The following NINL variants were observed in gnomAD, a reference collection of about 807,000 sequenced individuals.
NINL encodes ninein like.
A neutral mutation model predicts 160.3 loss-of-function variants in NINL; 153 were observed. That is an observed-to-expected ratio of 0.95 (90% CI 0.84 to 1.09). The LOEUF (loss-of-function observed/expected upper bound fraction) is 1.09, where lower values mean the gene tolerates loss of function less well. Among genes scored for constraint, NINL ranks in the 50% least tolerant of loss-of-function variants. The pLI is 0.00. For missense variants in NINL, 1,829 were observed against 1,764.0 expected, an observed-to-expected ratio of 1.04 and a Z score of -0.66; for synonymous variants, 800 against 734.8, an observed-to-expected ratio of 1.09 and a Z score of -1.43.
chr20:25,489,135 A>G, intron 13 of NINL, 109 bp downstream of exon 13: 1 of 1,084,664 alleles, frequency 9.2e-7, no homozygotes. Flanking sequence ...CATGGCCGCA[A>G]GCAGAGGCTC....
At chr20:25,553,103 G>GTTTTT (rs760131174) in intron 1 of NINL, among the ~76,000 whole-genome samples, 22,374 of 52,342 alleles carry the variant, frequency 0.43, 2,753 homozygotes, top group East Asian at 0.61. Flanking sequence ...ACCCTTGTTG[G>GTTTTT]GTTTTTTTTT....
rs1470878885 is a variant in NINL at position 25,453,105 on chromosome 20, G to A, written c.*346C>T. 1 of 186,458 alleles carries A rather than the reference G, an allele frequency of 5.4e-6. No individual in the cohort carries two copies. Among genetic ancestry groups the A allele is most frequent in the Non-Finnish European group, 1.1e-5 (1 of 91,182 alleles). 11.6% of individuals were successfully genotyped at this position (186,458 alleles called of 1,614,324 possible). A position where few individuals can be genotyped will look rare whatever the true frequency, so the allele number is the denominator to read the frequency against. On this transcript the variant is annotated 3_prime_UTR_variant, in exon 24 of 24. Coordinates refer to ENST00000278886, the MANE Select transcript of NINL (RefSeq NM_025176.6). ...ACATTTCACTCTGACAGCCAGGGTC[G>A]GAAGCACCACATGGAAAGTGCTGTC...
At chr20:25,564,267 G>A (rs775700037) in intron 1 of NINL, among the ~76,000 whole-genome samples, 7 of 150,648 alleles carry the variant, frequency 4.6e-5, no homozygotes, top group Non-Finnish European at 8.9e-5. Context: ...CTTCTGCCTC[G>A]GCCTCCCAAG....
At chr20:25,460,521 C>T (rs977978271) in intron 21 of NINL, among the ~76,000 whole-genome samples, 1 of 152,300 alleles carries the variant, frequency 6.6e-6, no homozygotes, top group African/African-American at 2.4e-5. Context: ...GGTGGCCTTA[C>T]TCCTCACCTC....
chr20:25,465,858 A>G (rs745855838), intron 19 of NINL, among the ~76,000 whole-genome samples: 22 of 152,142 alleles, frequency 1.4e-4, no homozygotes, highest in Non-Finnish European at 2.9e-4. Context: ...TAATAACTGA[A>G]AAAATGAGAA....
rs758864232 is a variant in NINL at position 25,479,063 on chromosome 20, C to G, written c.2061G>C (p.Gln687His). The change falls in exon 16 of 24, where the codon CAG becomes CAC. Residue 687 changes from glutamine to histidine, a missense_variant. By Grantham distance (24) the Gln-to-His change is conservative. Coordinates refer to ENST00000278886, the MANE Select transcript of NINL (RefSeq NM_025176.6). ...GCTCCTGCAGGCCCCAGATGACCTC[C>G]TGAGACTTCTCGTGGAGCTCCTCCA... is the stretch of plus-strand genomic sequence containing the variant. ...ADLEELHEKS[Q>H]EVIWGLQEQL... 1.6e-5 allele frequency: 26 copies of G among 1,612,588 alleles called. No homozygotes were observed. In the East Asian group the frequency reaches 5.8e-4, roughly 36 times the overall value.
chr20:25,501,457 G>C (rs1174683096), intron 7 of NINL, among the ~76,000 whole-genome samples: 1 of 152,216 alleles, frequency 6.6e-6, no homozygotes, highest in Non-Finnish European at 1.5e-5. Context: ...CAGGCTGGAA[G>C]GGCAGAAGTG....
rs369528838 is a variant in NINL at position 25,482,048 on chromosome 20, G to A, written c.1730C>T (p.Ala577Val). 3.8e-5 allele frequency: 61 copies of A among 1,598,398 alleles called. No individual in the cohort carries two copies. The highest frequency in any genetic ancestry group is 6.7e-5 in the East Asian group (3 of 44,876). Reference protein sequence around the residue: ...ELQAELEGLWARLPKNRHSPS... With the variant: ...ELQAELEGLWVRLPKNRHSPS... ...GCTGTGCCGGTTCTTGGGCAGCCGC[G>A]CCCACAGGCCTTCCAGCTCAGCTTG... Residue 577 changes from alanine (A) to valine (V), a missense_variant, in exon 14 of 24, where the codon GCG becomes GTG. By Grantham distance (64) the Ala-to-Val change is moderately conservative (BLOSUM62 0). Transcript: ENST00000278886.
At position 25,457,690 on chromosome 20, in the gene NINL, T is replaced by C. The variant is rs1005736214; in HGVS notation, c.3843+693A>G. Among the ~76,000 whole-genome samples the C allele has an allele frequency of 2.6e-5, 4 of 152,234 alleles. No individual in the cohort carries two copies. The East Asian group carries it at 7.7e-4, about 29-fold the overall frequency. On this transcript the variant is annotated intron_variant, in intron 22 of 23. Coordinates refer to ENST00000278886, the MANE Select transcript of NINL (RefSeq NM_025176.6). ...CCCCTGCCCTCTGGTTCCTGATCTCTCCTGAAGTCTGTCCCTGATGAACTA... is the reference window on the plus strand; with the variant it reads ...CCCCTGCCCTCTGGTTCCTGATCTCCCCTGAAGTCTGTCCCTGATGAACTA...
intron 1 of NINL, among the ~76,000 whole-genome samples, chr20:25,532,264 C>T (rs1056487155): frequency 6.6e-6 from 1 of 152,222 alleles, no homozygotes; most frequent in Non-Finnish European, 1.5e-5. Context: ...TCCCTTCCTC[C>T]CAGAGCCCCA....
chr20:25,571,842 T>C (rs1192523048), intron 1 of NINL, among the ~76,000 whole-genome samples: 1 of 114,618 alleles, frequency 8.7e-6, no homozygotes, highest in East Asian at 3.0e-4. Flanking sequence ...CACTCCAGCC[T>C]GGTCAAGAGA....
chr20:25,464,808 GTGTCTCATGACT>G (rs535548884), intron 19 of NINL, among the ~76,000 whole-genome samples: 1 of 152,306 alleles, frequency 6.6e-6, no homozygotes, highest in Non-Finnish European at 1.5e-5. Flanking sequence ...CTCAGCTTCT[GTGTCTCATGACT>G]TTGACATTTT....
At chr20:25,484,677 C>T (rs2063472465) in intron 13 of NINL, among the ~76,000 whole-genome samples, 1 of 152,200 alleles carries the variant, frequency 6.6e-6, no homozygotes, top group Admixed American at 6.5e-5. Flanking sequence ...CAGGATTTCT[C>T]TAGCTTGAGT....
At chr20:25,508,129 TG>T (rs1411621574) in intron 5 of NINL, among the ~76,000 whole-genome samples, 8 of 152,226 alleles carry the variant, frequency 5.3e-5, no homozygotes, top group Non-Finnish European at 1.2e-4. Context: ...GGAATCTGCC[TG>T]CTTTGTCCAG....
intron 17 of NINL, 25 bp downstream of exon 17, chr20:25,476,018 T>C (rs1020440787): frequency 3.1e-6 from 5 of 1,600,628 alleles, no homozygotes; most frequent in Non-Finnish European, 4.3e-6. Flanking sequence ...AAGTGTTTAG[T>C]TTTAAGAATG....
At chr20:25,582,891 C>A (rs2065188976) in intron 1 of NINL, among the ~76,000 whole-genome samples, 1 of 152,126 alleles carries the variant, frequency 6.6e-6, no homozygotes, top group Admixed American at 6.5e-5. Context: ...AAAGGATTTC[C>A]TATTTAATAA....
chr20:25,493,241 G>A (rs1453916767), intron 10 of NINL, among the ~76,000 whole-genome samples: 1 of 152,158 alleles, frequency 6.6e-6, no homozygotes, highest in Non-Finnish European at 1.5e-5. Flanking sequence ...CTCACAAGGA[G>A]CACTCTTGTC....
chr20:25,535,825 C>G (rs2064546320), intron 1 of NINL, among the ~76,000 whole-genome samples: 1 of 152,120 alleles, frequency 6.6e-6, no homozygotes, highest in African/African-American at 2.4e-5. Flanking sequence ...ATAATCAATC[C>G]CAAATCTCTC....
chr20:25,502,152 T>G (rs1357108825), intron 7 of NINL, among the ~76,000 whole-genome samples: 1 of 152,078 alleles, frequency 6.6e-6, no homozygotes, highest in Non-Finnish European at 1.5e-5. Context: ...TGGCTAATTT[T>G]TGTAGTTTCA....
Sources: gnomAD v4.1 joint callset for allele counts (sites outside exome capture counted in the v4.1 genomes callset) on GRCh38, gnomAD v4.1.1 for gene constraint, MANE v1.5 for transcripts, NCBI Gene and HGNC (gene_info 2026-07-23, HGNC 2026-07-21) for gene names.